HOXB3: variants seen among roughly 807,000 people sequenced by gnomAD.
HOXB3 encodes the protein homeobox protein Hox-B3.
Under a neutral mutation model 29.2 loss-of-function variants are expected in HOXB3, and 17 were observed. The ratio of observed to expected loss-of-function variants is 0.58; its 90% CI spans 0.40 to 0.87. The LOEUF (loss-of-function observed/expected upper bound fraction) is 0.87, where lower values mean the gene tolerates loss of function less well. Ranked by LOEUF, HOXB3 falls within the 40% of genes least tolerant of loss-of-function variation. HOXB3 has a pLI of 0.00. For missense variants in HOXB3, 637 were observed against 616.3 expected (o/e 1.03, Z -0.35); for synonymous variants, 317 against 285.9 (o/e 1.11, Z -1.10).
intron 1 of HOXB3, among the ~76,000 whole-genome samples, chr17:48,589,628 GC>G (rs1382018140): frequency 6.6e-6 from 1 of 152,090 alleles, no homozygotes; most frequent in Non-Finnish European, 1.5e-5. Flanking sequence ...GGGCAAGGTA[GC>G]CCACAGCAGC....
chr17:48,579,540 A>G (rs1156743853), intron 1 of HOXB3: 1 of 152,398 alleles, frequency 6.6e-6, no homozygotes, highest in African/African-American at 2.4e-5. Context: ...CGCAATTTCC[A>G]ATAAAGCCTC....
intron 1 of HOXB3, among the ~76,000 whole-genome samples, chr17:48,585,451 C>A (rs1452827321): frequency 6.6e-6 from 1 of 152,180 alleles, no homozygotes; most frequent in Non-Finnish European, 1.5e-5. Context: ...AGTGTCCCAA[C>A]GATGCGGGGG....
chr17:48,570,217 G>A (rs577618727), intron 2 of HOXB3, among the ~76,000 whole-genome samples: 2 of 152,182 alleles, frequency 1.3e-5, no homozygotes, highest in Admixed American at 1.3e-4. Flanking sequence ...CTGTTAAAGG[G>A]TTAAATACCA....
Position 48,554,974 on chromosome 17 carries a change from T to A in HOXB3, c.-159+557A>T. The A allele has an allele frequency of 1.6e-6, 1 of 615,432 alleles. No individual in the cohort carries two copies. Among genetic ancestry groups the A allele is most frequent in the Non-Finnish European group, 2.9e-6 (1 of 343,996 alleles). 38.1% of individuals were successfully genotyped at this position (615,432 alleles called of 1,614,324 possible). On this transcript the variant is annotated intron_variant, in intron 3 of 4. Transcript: ENST00000498678. This position sits in a 1 kb window ranked among gnomAD's most constrained non-coding sequence, Gnocchi z 4.1. Reference sequence around the variant, plus strand: ...TTCCCTTGCCTCCATGTTGGAAAAATTCAGGTTCCATATGGCTCCTCGGGA... The same window carrying A: ...TTCCCTTGCCTCCATGTTGGAAAAAATCAGGTTCCATATGGCTCCTCGGGA...
At chr17:48,551,631 C>T (rs1013438303) in intron 4 of HOXB3, among the ~76,000 whole-genome samples, 1 of 152,236 alleles carries the variant, frequency 6.6e-6, no homozygotes, top group Non-Finnish European at 1.5e-5. Flanking sequence ...AAGTGTGGCA[C>T]GAAGAGGCTG....
intron 2 of HOXB3, 82 bp downstream of exon 2, chr17:48,573,755 C>A: frequency 1.5e-6 from 1 of 662,000 alleles, no homozygotes. Flanking sequence ...AAGGAAGAGG[C>A]GAGAGAGTGT....
chr17:48,559,597 A>C (rs1336522203), intron 2 of HOXB3: 3 of 152,226 alleles, frequency 2.0e-5, no homozygotes, highest in Non-Finnish European at 4.4e-5. Flanking sequence ...ATTAACGAAG[A>C]TTTCAAAGCT....
chr17:48,572,568 G>A (rs1460987713), intron 2 of HOXB3, among the ~76,000 whole-genome samples: 1 of 152,178 alleles, frequency 6.6e-6, no homozygotes, highest in Non-Finnish European at 1.5e-5. Context: ...ATAGTAAAGA[G>A]ATGAACTGGA....
chr17:48,576,637 G>A (rs2740755), intron 1 of HOXB3: 38,442 of 1,058,602 alleles, frequency 0.036, 3,434 homozygotes, highest in African/African-American at 0.21. Flanking sequence ...CCAGGCCCCA[G>A]GGCCCCCTCC....
In HOXB3 at chr17:48,554,134, C is replaced by G. The variant is rs2068868249; in HGVS notation, c.-159+1397G>C. ...CCAGAGTTCAATTGACCAGGCTGACCCAATCCCTTTATTATTATTACCATT... is the reference window on the plus strand; with the variant it reads ...CCAGAGTTCAATTGACCAGGCTGACGCAATCCCTTTATTATTATTACCATT... On this transcript the variant is annotated intron_variant, in intron 3 of 4. Transcript: ENST00000498678. This position sits in a 1 kb window ranked among gnomAD's most constrained non-coding sequence, Gnocchi z 4.1. Among the ~76,000 whole-genome samples, 1 of 152,166 alleles carries G rather than the reference C, an allele frequency of 6.6e-6. No homozygotes were observed. The highest frequency in any genetic ancestry group is 2.4e-5 in the African/African-American group (1 of 41,436).
chr17:48,582,652 T>C (rs989716393), intron 1 of HOXB3: 2 of 152,196 alleles, frequency 1.3e-5, no homozygotes, highest in Non-Finnish European at 2.9e-5. Context: ...CTGGGTCATA[T>C]TGAATTTTGC....
intron 1 of HOXB3, among the ~76,000 whole-genome samples, chr17:48,584,145 T>C (rs76174658): frequency 6.6e-6 from 1 of 152,216 alleles, no homozygotes; most frequent in East Asian, 1.9e-4. Flanking sequence ...GATTCAAAGT[T>C]CATTTCAGGT....
At chr17:48,572,427 G>A (rs1166510979) in intron 2 of HOXB3, among the ~76,000 whole-genome samples, 4 of 152,186 alleles carry the variant, frequency 2.6e-5, no homozygotes, top group Non-Finnish European at 4.4e-5. Flanking sequence ...TGTTCAGGGC[G>A]GATAAGCCCT....
intron 1 of HOXB3, chr17:48,578,309 C>A: frequency 6.2e-7 from 1 of 1,609,216 alleles, no homozygotes; most frequent in African/African-American, 1.3e-5. Context: ...CAAAAAAGAA[C>A]TCATAGCCAT....
In HOXB3 at chr17:48,550,245, C is replaced by T. The variant is rs2144722619; in HGVS notation, c.*89G>A. On this transcript the variant is annotated 3_prime_UTR_variant, in exon 5 of 5. Transcript: ENST00000498678. ...GAAGCCTGGGTACCACCTTCTCTGG[C>T]TCCTCTTTTCAGACCTCCAGGTTGC... 5 of 1,555,256 alleles carry T rather than the reference C, an allele frequency of 3.2e-6. No individual in the cohort carries two copies. Among genetic ancestry groups the T allele is most frequent in the Admixed American group, 3.6e-5 (2 of 55,878 alleles).
At chr17:48,576,380 CG>C (rs1567962862) in intron 1 of HOXB3, 1 of 209,768 alleles carries the variant, frequency 4.8e-6, no homozygotes, top group Non-Finnish European at 9.4e-6. Context: ...GATCCATCTT[CG>C]CCAAAGCTGA....
At chr17:48,571,717 C>G (rs2069591869) in intron 2 of HOXB3, among the ~76,000 whole-genome samples, 1 of 152,214 alleles carries the variant, frequency 6.6e-6, no homozygotes, top group Admixed American at 6.5e-5. Context: ...ACACATCTCC[C>G]TGAGCCCCAT....
chr17:48,577,834 G>A, intron 1 of HOXB3: 1 of 1,390,020 alleles, frequency 7.2e-7, no homozygotes, highest in Non-Finnish European at 9.3e-7. Flanking sequence ...TCCAGGGGTG[G>A]GAGGGGGAAG....
intron 1 of HOXB3, among the ~76,000 whole-genome samples, chr17:48,589,518 C>T (rs1052959311): frequency 2.6e-5 from 4 of 152,186 alleles, no homozygotes; most frequent in Admixed American, 1.3e-4. Context: ...GCAAAAGCAG[C>T]GCTGTGCTCC....
Sources: gnomAD v4.1 joint callset for allele counts (sites outside exome capture counted in the v4.1 genomes callset) on GRCh38, gnomAD v4.1.1 for gene constraint, Gnocchi (gnomAD v3.1) non-coding constraint, MANE v1.5 for transcripts, NCBI Gene and HGNC (gene_info 2026-07-23, HGNC 2026-07-21) for gene names.